KLF12: variants seen among roughly 807,000 people sequenced by gnomAD.
KLF12 encodes the protein KLF transcription factor 12.
In KLF12, 9 loss-of-function variants were observed where a neutral mutation model predicts 37.8. That is an observed-to-expected ratio of 0.24 (90% CI 0.14 to 0.42). The LOEUF (loss-of-function observed/expected upper bound fraction) is 0.42, where lower values mean the gene tolerates loss of function less well. Ranked by LOEUF, KLF12 falls within the 10% of genes least tolerant of loss-of-function variation. The pLI is 1.00. For synonymous variants in KLF12, 208 were observed against 202.1 expected (o/e 1.03, Z -0.25); for missense variants, 411 against 516.0 (o/e 0.80, Z 1.97).
At chr13:73,723,132 C>A (rs1876393958) in intron 6 of KLF12, among the ~76,000 whole-genome samples, 1 of 152,152 alleles carries the variant, frequency 6.6e-6, no homozygotes, top group South Asian at 2.1e-4. Context: ...CATTAACAGT[C>A]TGTTCTGGTT....
intron 5 of KLF12, among the ~76,000 whole-genome samples, chr13:73,777,664 C>T (rs1010944868): frequency 2.7e-5 from 4 of 150,182 alleles, no homozygotes; most frequent in East Asian, 2.0e-4. Context: ...GCCAAGATTG[C>T]GCCATTGCAC....
At chr13:74,168,614 G>C in the KLF12 span, among the ~76,000 whole-genome samples, 2 of 152,200 alleles carry the variant, frequency 1.3e-5, no homozygotes, top group Non-Finnish European at 2.9e-5. Context: ...CAAACACAGT[G>C]ACTGCAGTGT....
the KLF12 span, among the ~76,000 whole-genome samples, chr13:74,162,753 C>A: frequency 3.3e-5 from 5 of 152,198 alleles, no homozygotes; most frequent in East Asian, 9.6e-4. Context: ...AAGTGCCCAG[C>A]CCAGGTTCTT....
At chr13:73,950,660 T>A (rs1890612107) in intron 2 of KLF12, among the ~76,000 whole-genome samples, 1 of 152,028 alleles carries the variant, frequency 6.6e-6, no homozygotes. Context: ...GCAAGAGAAG[T>A]ATTAACCTAC....
At chr13:73,776,263 G>A (rs1421326921) in intron 5 of KLF12, among the ~76,000 whole-genome samples, 4 of 152,140 alleles carry the variant, frequency 2.6e-5, no homozygotes, top group African/African-American at 7.2e-5. Flanking sequence ...ATCACAGAGC[G>A]GTCTGATCCG....
intron 3 of KLF12, among the ~76,000 whole-genome samples, chr13:73,916,023 T>C (rs976343386): frequency 2.0e-5 from 3 of 152,168 alleles, no homozygotes; most frequent in African/African-American, 7.2e-5. Context: ...TTAAAATTTG[T>C]AGTGTTCTCT....
intron 1 of KLF12, among the ~76,000 whole-genome samples, chr13:74,026,701 A>C (rs1008661952): frequency 1.3e-5 from 2 of 152,208 alleles, no homozygotes. Context: ...CTTGATTTCT[A>C]TCCAGGGTAA....
At chr13:73,751,732 G>A (rs977877638) in intron 6 of KLF12, among the ~76,000 whole-genome samples, 16 of 152,272 alleles carry the variant, frequency 1.1e-4, no homozygotes, top group Middle Eastern at 3.4e-3. Flanking sequence ...AAAGACATCA[G>A]GGTACTTGGT....
chr13:74,028,375 T>C (rs1893030265), intron 1 of KLF12, among the ~76,000 whole-genome samples: 1 of 152,190 alleles, frequency 6.6e-6, no homozygotes, highest in Non-Finnish European at 1.5e-5. Flanking sequence ...AAAGAGCTTA[T>C]TTTGCAATAT....
intron 6 of KLF12, among the ~76,000 whole-genome samples, chr13:73,726,824 C>A (rs1248233973): frequency 3.3e-5 from 5 of 152,206 alleles, no homozygotes; most frequent in Admixed American, 6.5e-5. Context: ...ATTATTAGGT[C>A]ATACGATAAT....
intron 1 of KLF12, among the ~76,000 whole-genome samples, chr13:74,062,799 C>G (rs1873680363): frequency 6.6e-6 from 1 of 152,200 alleles, no homozygotes; most frequent in Admixed American, 6.5e-5. Context: ...CCATCTAGCT[C>G]TAGAAACAAA....
At chr13:73,888,503 TG>T (rs1473957432) in intron 3 of KLF12, among the ~76,000 whole-genome samples, 1 of 152,210 alleles carries the variant, frequency 6.6e-6, no homozygotes, top group Non-Finnish European at 1.5e-5. Flanking sequence ...TGCCATTCAT[TG>T]TTTCATAAAA....
At chr13:73,723,109 G>GA (rs547300901) in intron 6 of KLF12, among the ~76,000 whole-genome samples, 1 of 151,926 alleles carries the variant, frequency 6.6e-6, no homozygotes, top group African/African-American at 2.4e-5. Flanking sequence ...AATCAAAATA[G>GA]AAAAAAACGA....
chr13:74,216,953 C>T, the KLF12 span, among the ~76,000 whole-genome samples: 1 of 152,154 alleles, frequency 6.6e-6, no homozygotes, highest in Non-Finnish European at 1.5e-5. Flanking sequence ...TATAAAAAAT[C>T]TTGAGAATTA....
At chr13:74,175,520 A>G in the KLF12 span, among the ~76,000 whole-genome samples, 2 of 152,190 alleles carry the variant, frequency 1.3e-5, no homozygotes, top group Non-Finnish European at 2.9e-5. Flanking sequence ...TGAAAAGGAG[A>G]GTCTCTTTTT....
the KLF12 span, among the ~76,000 whole-genome samples, chr13:74,249,594 G>C: frequency 1.3e-5 from 2 of 152,082 alleles, no homozygotes; most frequent in African/African-American, 2.4e-5. Context: ...AAATGACAAG[G>C]TTTCTTACTT....
At chr13:74,070,381 A>G (rs1874161324) in intron 1 of KLF12, among the ~76,000 whole-genome samples, 1 of 152,210 alleles carries the variant, frequency 6.6e-6, no homozygotes, top group East Asian at 1.9e-4. Context: ...TGAGTTGGAG[A>G]TAGAATGGAC....
the KLF12 span, among the ~76,000 whole-genome samples, chr13:74,292,737 T>C: frequency 6.6e-6 from 1 of 152,188 alleles, no homozygotes; most frequent in Admixed American, 6.5e-5. Context: ...GAAATCTGAC[T>C]TAACACCCTG....
At chr13:73,894,555 C>G (rs1054555536) in intron 3 of KLF12, among the ~76,000 whole-genome samples, 1 of 152,184 alleles carries the variant, frequency 6.6e-6, no homozygotes, top group Non-Finnish European at 1.5e-5. Context: ...TTAGCACGCC[C>G]ACTCTACTAA....
Sources: gnomAD v4.1 joint callset for allele counts (sites outside exome capture counted in the v4.1 genomes callset) on GRCh38, gnomAD v4.1.1 for gene constraint, MANE v1.5 for transcripts, NCBI Gene and HGNC (gene_info 2026-07-23, HGNC 2026-07-21) for gene names.